The following KIAA1217 variants were observed in gnomAD, a reference collection of about 807,000 sequenced individuals.
The protein encoded by KIAA1217 is KIAA1217.
In KIAA1217, 88 loss-of-function variants were observed where a neutral mutation model predicts 163.9. The observed-to-expected ratio is 0.54, with a 90% CI of 0.45 to 0.64. The LOEUF is 0.64. KIAA1217 is among the 30% of genes least tolerant of loss of function. KIAA1217 has a pLI of 0.00. For missense variants in KIAA1217, 2,372 were observed against 2,475.0 expected (o/e 0.96, Z 0.88); for synonymous variants, 903 against 923.1 (o/e 0.98, Z 0.39).
At chr10:24,454,262 A>G (rs1312746946) in intron 5 of KIAA1217, among the ~76,000 whole-genome samples, 1 of 152,212 alleles carries the variant, frequency 6.6e-6, no homozygotes, top group Non-Finnish European at 1.5e-5. Context: ...CTAGCTTTTC[A>G]TTTAAGCTAG....
At chr10:24,513,118 T>G in intron 9 of KIAA1217, 141 bp from the exon 10 acceptor site, 4 of 781,424 alleles carry the variant, frequency 5.1e-6, no homozygotes, top group Non-Finnish European at 8.3e-6. Context: ...CAGTCTTTGC[T>G]CCCTTTCCTT....
intron 1 of KIAA1217, among the ~76,000 whole-genome samples, chr10:23,705,523 C>T (rs1020225700): frequency 1.3e-5 from 2 of 152,132 alleles, no homozygotes; most frequent in African/African-American, 4.8e-5. Flanking sequence ...ATTTTCTTGA[C>T]AGCCTTGTTG....
intron 9 of KIAA1217, among the ~76,000 whole-genome samples, chr10:24,512,232 G>T (rs2069290359): frequency 6.6e-6 from 1 of 152,140 alleles, no homozygotes; most frequent in South Asian, 2.1e-4. Context: ...ATAATGGACA[G>T]TTGACAAAGA....
At position 24,300,069 on chromosome 10, in the gene KIAA1217, C is replaced by T. The variant is rs1430658988; in HGVS notation, c.354+80160C>T. Reference sequence around the variant, plus strand: ...GCAGAGGGTAGTCACCAACCTTTAGCTCAAACACTGATGCCGAGGCTACGT... The same window carrying T: ...GCAGAGGGTAGTCACCAACCTTTAGTTCAAACACTGATGCCGAGGCTACGT... On this transcript the variant is annotated intron_variant, in intron 2 of 20. Transcript: ENST00000376454. Among the ~76,000 whole-genome samples the T allele has an allele frequency of 2.6e-5, 4 of 152,320 alleles. No individual in the cohort carries two copies. The East Asian group carries it at 7.7e-4, about 29-fold the overall frequency.
chr10:23,962,086 A>G (rs560194583), intron 1 of KIAA1217, among the ~76,000 whole-genome samples: 3 of 152,340 alleles, frequency 2.0e-5, no homozygotes, highest in Admixed American at 1.3e-4. Flanking sequence ...GGGGCACTCA[A>G]TTTAACCCAT....
intron 2 of KIAA1217, among the ~76,000 whole-genome samples, chr10:24,024,333 T>C (rs1057088093): frequency 2.0e-5 from 3 of 151,712 alleles, no homozygotes; most frequent in African/African-American, 7.2e-5. Flanking sequence ...ATAAATGGAA[T>C]CATAAAGTTG....
intron 2 of KIAA1217, among the ~76,000 whole-genome samples, chr10:24,322,883 T>C (rs563972149): frequency 6.6e-6 from 1 of 152,340 alleles, no homozygotes; most frequent in South Asian, 2.1e-4. Flanking sequence ...ACAACTTCTT[T>C]AGAAGTTTGA....
intron 2 of KIAA1217, among the ~76,000 whole-genome samples, chr10:24,355,684 C>A (rs775151379): frequency 7.1e-6 from 1 of 140,956 alleles, no homozygotes; most frequent in African/African-American, 2.6e-5. Context: ...GGTCTTCTGT[C>A]GCCACAGCTG....
chr10:23,922,460 G>C (rs1172349907), intron 1 of KIAA1217, among the ~76,000 whole-genome samples: 1 of 152,190 alleles, frequency 6.6e-6, no homozygotes, highest in Non-Finnish European at 1.5e-5. Context: ...AATCAAGTCA[G>C]ACCTAAGTCT....
At chr10:23,855,863 C>T (rs1839630580) in intron 1 of KIAA1217, among the ~76,000 whole-genome samples, 2 of 152,222 alleles carry the variant, frequency 1.3e-5, no homozygotes, top group African/African-American at 4.8e-5. Flanking sequence ...TCGGCTCCAT[C>T]AGCTCCTTTA....
At chr10:24,219,585 G>A (rs935501150) in intron 1 of KIAA1217, 41 bp from the exon 2 acceptor site, 2 of 1,515,068 alleles carry the variant, frequency 1.3e-6, no homozygotes, top group East Asian at 2.3e-5. Flanking sequence ...GACTTCTAGT[G>A]TGAAATCATT....
rs147851166 is a variant in KIAA1217, at chr10:24,449,982, T to G, written c.846+11503T>G. Among the ~76,000 whole-genome samples the G allele has an allele frequency of 6.6e-5, 10 of 152,356 alleles. No homozygotes were observed. In the East Asian group the frequency reaches 1.7e-3, roughly 26 times the overall value. On this transcript the variant is annotated intron_variant, in intron 5 of 20. Coordinates refer to ENST00000376454, the MANE Select transcript of KIAA1217 (RefSeq NM_019590.5). ...TTTTTGAAATCCACTTAAATTAAAC[T>G]GGGCTGGTCTTCAATCTATAAATCT...
At chr10:23,790,165 A>G (rs1835706938) in intron 1 of KIAA1217, among the ~76,000 whole-genome samples, 1 of 64,000 alleles carries the variant, frequency 1.6e-5, no homozygotes, top group Non-Finnish European at 2.7e-5. Flanking sequence ...GCATATACAC[A>G]TATACACATA....
intron 2 of KIAA1217, among the ~76,000 whole-genome samples, chr10:24,153,365 C>A (rs1464345695): frequency 6.6e-6 from 1 of 152,172 alleles, no homozygotes; most frequent in Non-Finnish European, 1.5e-5. Flanking sequence ...ACATTTAACT[C>A]TAAACATTGG....
intron 1 of KIAA1217, among the ~76,000 whole-genome samples, chr10:23,997,226 A>T (rs1846528114): frequency 6.6e-6 from 1 of 152,170 alleles, no homozygotes; most frequent in Non-Finnish European, 1.5e-5. Flanking sequence ...ACTTAGTATT[A>T]TTTTCAGGAG....
chr10:24,236,750 C>G (rs2072327816), intron 2 of KIAA1217, among the ~76,000 whole-genome samples: 4 of 151,770 alleles, frequency 2.6e-5, no homozygotes, highest in Admixed American at 1.3e-4. Flanking sequence ...CTTCTGGGCT[C>G]AGGCGTTCCT....
chr10:24,464,819 G>A (rs1387733335), intron 5 of KIAA1217, among the ~76,000 whole-genome samples: 2 of 152,136 alleles, frequency 1.3e-5, no homozygotes, highest in Non-Finnish European at 2.9e-5. Flanking sequence ...GTCGAACATG[G>A]CATGACTTGC....
rs181240365 is a variant in KIAA1217, at chr10:24,035,507, C to T, written c.-171+28133C>T. Among the ~76,000 whole-genome samples, 5 of 152,244 alleles carry T rather than the reference C, an allele frequency of 3.3e-5. No individual in the cohort carries two copies. The East Asian group carries it at 9.6e-4, about 29-fold the overall frequency. The stretch of plus-strand genomic sequence containing the variant: ...GAAAAAACACTCCATATCTGCAACA[C>T]CAATGTGCTGATACACTGGGAAGAG... On this transcript the variant is annotated intron_variant, in intron 2 of 18. Transcript: ENST00000376462.
At chr10:23,966,113 T>G (rs13377107) in intron 1 of KIAA1217, among the ~76,000 whole-genome samples, 8,736 of 152,232 alleles carry the variant, frequency 0.057, 376 homozygotes, top group African/African-American at 0.12. Context: ...CTGAGCCCTG[T>G]GCTTAGAAGG....
Sources: allele counts gnomAD v4.1 joint callset (sites outside exome capture counted in the v4.1 genomes callset), GRCh38; gene constraint gnomAD v4.1.1; transcripts MANE v1.5; gene names NCBI Gene and HGNC (gene_info 2026-07-23, HGNC 2026-07-21).